ATF6: variants seen among roughly 807,000 people sequenced by gnomAD.
ATF6 encodes activating transcription factor 6.
In ATF6, 53 loss-of-function variants were observed where a neutral mutation model predicts 83.6. That is an observed-to-expected ratio of 0.63 (90% CI 0.51 to 0.80). The LOEUF is 0.80. Ranked by LOEUF, ATF6 falls within the 30% of genes least tolerant of loss-of-function variation. The pLI, the probability that ATF6 is intolerant of heterozygous loss-of-function variation, is 0.00. For synonymous variants in ATF6, 288 were observed against 285.8 expected, an observed-to-expected ratio of 1.01 and a Z score of -0.08; for missense variants, 744 against 797.9, an observed-to-expected ratio of 0.93 and a Z score of 0.81.
intron 7 of ATF6, among the ~76,000 whole-genome samples, chr1:161,810,606 G>T (rs921503051): frequency 8.6e-5 from 13 of 151,400 alleles, no homozygotes; most frequent in Non-Finnish European, 8.8e-5. Flanking sequence ...CTCTTTTGTT[G>T]TCTTTTTTTT....
At chr1:161,945,623 A>T (rs1232473831) in intron 15 of ATF6, among the ~76,000 whole-genome samples, 1 of 152,296 alleles carries the variant, frequency 6.6e-6, no homozygotes, top group East Asian at 1.9e-4. Flanking sequence ...TGGGATCCTA[A>T]TAACAAGTTT....
At chr1:161,877,183 A>C (rs554648202) in intron 14 of ATF6, among the ~76,000 whole-genome samples, 14 of 152,184 alleles carry the variant, frequency 9.2e-5, no homozygotes, top group African/African-American at 2.9e-4. Context: ...ATAGTTTTTC[A>C]GGAAGTATGT....
At chr1:161,864,850 G>A (rs1686957744) in intron 14 of ATF6, among the ~76,000 whole-genome samples, 1 of 152,084 alleles carries the variant, frequency 6.6e-6, no homozygotes, top group South Asian at 2.1e-4. Context: ...CCTTACTATT[G>A]ACACAATTAT....
At chr1:161,863,397 A>G in intron 14 of ATF6, 85 bp downstream of exon 14, 1 of 884,716 alleles carries the variant, frequency 1.1e-6, no homozygotes, top group Non-Finnish European at 1.9e-6. Flanking sequence ...TGGAAAATAC[A>G]AAGATGTGAG....
At chr1:161,770,537 A>ATCT (rs907029548) in intron 1 of ATF6, among the ~76,000 whole-genome samples, 3 of 152,122 alleles carry the variant, frequency 2.0e-5, no homozygotes, top group Non-Finnish European at 2.9e-5. Context: ...GAGAGAGAGA[A>ATCT]TCTTCTTCTT....
At chr1:161,769,357 G>A (rs1426084022) in intron 1 of ATF6, among the ~76,000 whole-genome samples, 2 of 152,152 alleles carry the variant, frequency 1.3e-5, no homozygotes, top group Admixed American at 6.5e-5. Flanking sequence ...GTAACATCTT[G>A]CATTAGTGTG....
At chr1:161,928,043 G>A (rs1258690785) in intron 15 of ATF6, among the ~76,000 whole-genome samples, 2 of 152,080 alleles carry the variant, frequency 1.3e-5, no homozygotes, top group Admixed American at 6.6e-5. Context: ...TTTATGTTAA[G>A]TATATTACTG....
chr1:161,812,010 G>A (rs1259588319), intron 7 of ATF6, among the ~76,000 whole-genome samples: 2 of 152,162 alleles, frequency 1.3e-5, no homozygotes, highest in Non-Finnish European at 2.9e-5. Flanking sequence ...TTGTGAAGGG[G>A]ACATTATTTA....
chr1:161,837,893 A>G (rs1328383398), intron 9 of ATF6, among the ~76,000 whole-genome samples: 1 of 152,226 alleles, frequency 6.6e-6, no homozygotes, highest in Non-Finnish European at 1.5e-5. Context: ...TGTTCCTCCT[A>G]GTGCCATGAG....
At chr1:161,796,953 A>G (rs193053968) in intron 6 of ATF6, among the ~76,000 whole-genome samples, 4 of 151,358 alleles carry the variant, frequency 2.6e-5, no homozygotes, top group Admixed American at 6.6e-5. Context: ...ATAAATATAT[A>G]TTTTCATAGT....
At chr1:161,813,767 A>G (rs762223902) in intron 7 of ATF6, among the ~76,000 whole-genome samples, 1 of 152,112 alleles carries the variant, frequency 6.6e-6, no homozygotes, top group Admixed American at 6.5e-5. Flanking sequence ...AGATTTTCCA[A>G]TTAATTCATT....
intron 15 of ATF6, among the ~76,000 whole-genome samples, chr1:161,923,222 T>G (rs10800106): frequency 1.3e-5 from 2 of 151,352 alleles, no homozygotes; most frequent in Non-Finnish European, 2.9e-5. Flanking sequence ...GGTGGTGGTG[T>G]TTTTTTTTTA....
intron 14 of ATF6, among the ~76,000 whole-genome samples, chr1:161,867,972 G>A (rs6670606): frequency 0.14 from 21,587 of 152,138 alleles, 2,097 homozygotes; most frequent in East Asian, 0.32. Flanking sequence ...TATAAGGGTA[G>A]CCTTAAGTAA....
At chr1:161,779,233 G>T (rs1684584215) in intron 2 of ATF6, among the ~76,000 whole-genome samples, 2 of 152,132 alleles carry the variant, frequency 1.3e-5, no homozygotes, top group Non-Finnish European at 2.9e-5. Flanking sequence ...ATAAGCAACT[G>T]ATACTCATAT....
intron 14 of ATF6, among the ~76,000 whole-genome samples, chr1:161,896,772 A>G (rs1687685041): frequency 6.6e-6 from 1 of 152,228 alleles, no homozygotes; most frequent in Admixed American, 6.5e-5. Context: ...AATTTCTTAA[A>G]TAAATATATA....
chr1:161,934,087 T>C (rs1159130404), intron 15 of ATF6, among the ~76,000 whole-genome samples: 3 of 152,162 alleles, frequency 2.0e-5, no homozygotes, highest in African/African-American at 7.2e-5. Context: ...GGATTAGACA[T>C]GGATGAGTGG....
intron 15 of ATF6, among the ~76,000 whole-genome samples, chr1:161,943,329 C>T (rs956352492): frequency 2.0e-5 from 3 of 152,140 alleles, no homozygotes; most frequent in African/African-American, 4.8e-5. Flanking sequence ...AGTCCTGCCC[C>T]CTTGTGAAAA....
intron 14 of ATF6, among the ~76,000 whole-genome samples, chr1:161,904,333 A>G (rs1687843709): frequency 6.6e-6 from 1 of 152,208 alleles, no homozygotes; most frequent in African/African-American, 2.4e-5. Flanking sequence ...CACGCCTGTA[A>G]TCCCAGCACT....
intron 2 of ATF6, among the ~76,000 whole-genome samples, chr1:161,781,211 G>A (rs1307340665): frequency 1.3e-5 from 2 of 152,086 alleles, no homozygotes; most frequent in Admixed American, 1.3e-4. Flanking sequence ...TTATATTTTG[G>A]TTAGAAAAAC....
Sources: allele counts gnomAD v4.1 joint callset (sites outside exome capture counted in the v4.1 genomes callset), GRCh38; gene constraint gnomAD v4.1.1; transcripts MANE v1.5; gene names NCBI Gene and HGNC (gene_info 2026-07-23, HGNC 2026-07-21).